The following PCDHGC3 variants were observed in gnomAD, a reference collection of about 807,000 sequenced individuals.
PCDHGC3 encodes the protein protocadherin gamma subfamily C, 3.
A neutral mutation model predicts 59.2 loss-of-function variants in PCDHGC3; 26 were observed. The ratio of observed to expected loss-of-function variants is 0.44; its 90% CI spans 0.32 to 0.61. The LOEUF is 0.61. Ranked by LOEUF, PCDHGC3 falls within the 20% of genes least tolerant of loss-of-function variation. The pLI is 0.05. For missense variants in PCDHGC3, 1,080 were observed against 1,221.8 expected, an observed-to-expected ratio of 0.88 and a Z score of 1.73; for synonymous variants, 487 against 519.7, an observed-to-expected ratio of 0.94 and a Z score of 0.86.
At chr5:141,494,355 G>T (rs910437011) in intron 1 of PCDHGC3, among the ~76,000 whole-genome samples, 4 of 152,234 alleles carry the variant, frequency 2.6e-5, no homozygotes, top group African/African-American at 9.6e-5. Flanking sequence ...CCATCTTGCT[G>T]CAGAGGATGC....
At chr5:141,494,940 AG>A (rs888721888) in intron 2 of PCDHGC3, 75 bp downstream of exon 2, 1 of 1,610,860 alleles carries the variant, frequency 6.2e-7, no homozygotes, top group Non-Finnish European at 8.5e-7. Flanking sequence ...GAGATGGGGG[AG>A]GGCCCAGCAT....
At position 141,511,436 on chromosome 5, in the gene PCDHGC3, T is replaced by C. The variant is rs1371734719; in HGVS notation, c.*263T>C. The C allele has an allele frequency of 1.5e-5, 11 of 718,486 alleles. No individual in the cohort carries two copies. The highest frequency in any genetic ancestry group is 2.2e-5 in the Non-Finnish European group (10 of 461,474). The allele number at this position is 718,486 out of a possible 1,614,324, so 44.5% of individuals were successfully genotyped here. The stretch of plus-strand genomic sequence containing the variant: ...ACCCATGGGGGTAGTGGGGTTACTG[T>C]AGACACCAAGAACCATTTGCCACAC... On this transcript the variant is annotated 3_prime_UTR_variant, in exon 4 of 4. Coordinates refer to ENST00000308177, the MANE Select transcript of PCDHGC3 (RefSeq NM_002588.4).
In PCDHGC3 at chr5:141,489,163, C is replaced by T. The variant is rs2099683398; in HGVS notation, c.2431-5644C>T. 1 of 1,060,592 alleles carries T rather than the reference C, an allele frequency of 9.4e-7. No individual in the cohort carries two copies. Among genetic ancestry groups the T allele is most frequent in the Admixed American group, 2.4e-5 (1 of 41,724 alleles). The allele number at this position is 1,060,592 out of a possible 1,614,324, so 65.7% of individuals were successfully genotyped here. On this transcript the variant is annotated intron_variant, in intron 1 of 3. Coordinates refer to ENST00000308177, the MANE Select transcript of PCDHGC3 (RefSeq NM_002588.4). This position sits in a 1 kb window ranked among gnomAD's most constrained non-coding sequence, Gnocchi z 4.5. ...TGGAAGGAGACATAAGAGACTTCAGCTGCTGCATTCCAAGCCCTGGGTCTA... is the reference window on the plus strand; with the variant it reads ...TGGAAGGAGACATAAGAGACTTCAGTTGCTGCATTCCAAGCCCTGGGTCTA...
At chr5:141,508,588 C>G (rs1721443459) in intron 3 of PCDHGC3, among the ~76,000 whole-genome samples, 1 of 152,176 alleles carries the variant, frequency 6.6e-6, no homozygotes, top group African/African-American at 2.4e-5. Context: ...GGGTGCTACT[C>G]AGAGATCTTG....
rs1356654620 is a variant in PCDHGC3 at position 141,490,430 on chromosome 5, TTAA to T, written c.2431-4376_2431-4374del. On this transcript the variant is annotated intron_variant, in intron 1 of 3. Coordinates refer to ENST00000308177, the MANE Select transcript of PCDHGC3 (RefSeq NM_002588.4). The surrounding 1 kb of genome is among the most constrained non-coding windows in gnomAD (Gnocchi z 5.4). ...ATCTCTCCGGACCTGCCATTTCAGA[TTAA>T]GCCTTCTGAGAACCACTACTCGCTG... 1 of 1,614,162 alleles carries T rather than the reference TTAA, an allele frequency of 6.2e-7. No individual in the cohort carries two copies.
In PCDHGC3 at chr5:141,492,378, C is replaced by T. The variant is rs144479033; in HGVS notation, c.2431-2429C>T. Among the ~76,000 whole-genome samples the T allele has an allele frequency of 1.7e-3, 262 of 152,360 alleles. 2 individuals are homozygous for T. The highest frequency in any genetic ancestry group is 3.0e-3 in the Non-Finnish European group (207 of 68,026). On this transcript the variant is annotated intron_variant, in intron 1 of 3. Coordinates refer to ENST00000308177, the MANE Select transcript of PCDHGC3 (RefSeq NM_002588.4). ...CTCGCTCGCGGCCAGATTCACAGGCCTGTTCCGGTCCACTCGCAGCTCCCC... is the reference window on the plus strand; with the variant it reads ...CTCGCTCGCGGCCAGATTCACAGGCTTGTTCCGGTCCACTCGCAGCTCCCC...
chr5:141,479,003 C>T (rs2099485569), intron 1 of PCDHGC3, among the ~76,000 whole-genome samples: 1 of 152,176 alleles, frequency 6.6e-6, no homozygotes, highest in South Asian at 2.1e-4. Context: ...AAACTAATAG[C>T]TTTTTGATAA....
chr5:141,487,890 G>C lies in PCDHGC3; in HGVS notation c.2431-6917G>C. 3 of 745,430 alleles carry C rather than the reference G, an allele frequency of 4.0e-6. No homozygotes were observed. Among genetic ancestry groups the C allele is most frequent in the Non-Finnish European group, 6.5e-6 (3 of 462,522 alleles). The allele number at this position is 745,430 out of a possible 1,614,324, so 46.2% of individuals were successfully genotyped here. A position where few individuals can be genotyped will look rare whatever the true frequency, so the allele number is the denominator to read the frequency against. On this transcript the variant is annotated intron_variant, in intron 1 of 3. Coordinates refer to ENST00000308177, the MANE Select transcript of PCDHGC3 (RefSeq NM_002588.4). This position sits in a 1 kb window ranked among gnomAD's most constrained non-coding sequence, Gnocchi z 5.0. ...AAGAGCCAGGCTGTTGTGGAAGCAT[G>C]ATGATGGAATGTGGGAGCACAGGAG...
At chr5:141,502,300 TTCCTC>T (rs139569110) in intron 2 of PCDHGC3, among the ~76,000 whole-genome samples, 4,853 of 152,256 alleles carry the variant, frequency 0.032, 250 homozygotes, top group African/African-American at 0.11. Flanking sequence ...TGTCACGTCT[TTCCTC>T]TCCTTTAATC....
Position 141,485,256 on chromosome 5 carries a change from G to A in PCDHGC3, c.2430+6710G>A, listed in dbSNP as rs770176450. The A allele has an allele frequency of 6.2e-7, 1 of 1,614,186 alleles. No homozygotes were observed. Among genetic ancestry groups the A allele is most frequent in the Non-Finnish European group, 8.5e-7 (1 of 1,179,996 alleles). On this transcript the variant is annotated intron_variant, in intron 1 of 3. Transcript: ENST00000308177. The surrounding 1 kb of genome is among the most constrained non-coding windows in gnomAD (Gnocchi z 5.7). ...CTCTTTTACCACCTGGGTTACGTTTGTGGGCAGATCCGCTACCCGGTCCCA... is the reference window on the plus strand; with the variant it reads ...CTCTTTTACCACCTGGGTTACGTTTATGGGCAGATCCGCTACCCGGTCCCA...
At position 141,494,852 on chromosome 5, in the gene PCDHGC3, C is replaced by T. The variant is rs755464933; in HGVS notation, c.2476C>T (p.Pro826Ser). ...TDWRFSQAQR[P>S]GTSGSQNGDD... is the part of the protein sequence containing the mutation. Reference sequence around the variant, plus strand: ...CTGGCGTTTCTCTCAGGCCCAGAGACCCGGCACCAGCGGGTAGGTGACTGA... The same window carrying T: ...CTGGCGTTTCTCTCAGGCCCAGAGATCCGGCACCAGCGGGTAGGTGACTGA... The change falls in exon 2 of 4, where the codon CCC (proline) becomes TCC (serine). Residue 826 changes from proline (P) to serine (S), a missense_variant. Coordinates refer to ENST00000308177, the MANE Select transcript of PCDHGC3 (RefSeq NM_002588.4). 6 of 1,614,042 alleles carry T rather than the reference C, an allele frequency of 3.7e-6. No homozygotes were observed. Among genetic ancestry groups the T allele is most frequent in the Admixed American group, 1.7e-5 (1 of 60,000 alleles).
chr5:141,502,173 T>C (rs1377892969), intron 2 of PCDHGC3, among the ~76,000 whole-genome samples: 2 of 152,178 alleles, frequency 1.3e-5, no homozygotes, highest in African/African-American at 4.8e-5. Flanking sequence ...AGTTGAGGAA[T>C]TTAACATTAA....
In PCDHGC3 at chr5:141,491,424, G is replaced by A. The variant is rs745755214; in HGVS notation, c.2431-3383G>A. The A allele has an allele frequency of 6.2e-7, 1 of 1,614,092 alleles. No individual in the cohort carries two copies. Among genetic ancestry groups the A allele is most frequent in the Non-Finnish European group, 8.5e-7 (1 of 1,180,028 alleles). ...ACGCAGACGGGGACGGGGGTGGAGG[G>A]CAGTGCTGCAGGCGCCAGGACTCAC... On this transcript the variant is annotated intron_variant, in intron 1 of 3. Coordinates refer to ENST00000308177, the MANE Select transcript of PCDHGC3 (RefSeq NM_002588.4). The surrounding 1 kb of genome is among the most constrained non-coding windows in gnomAD (Gnocchi z 6.9).
intron 1 of PCDHGC3, among the ~76,000 whole-genome samples, chr5:141,484,454 G>A (rs932663778): frequency 6.6e-6 from 1 of 152,212 alleles, no homozygotes; most frequent in African/African-American, 2.4e-5. Context: ...AATTGGCTAC[G>A]TTAATGTGTA....
intron 3 of PCDHGC3, among the ~76,000 whole-genome samples, chr5:141,508,789 A>C: frequency 1.4e-5 from 2 of 145,944 alleles, no homozygotes; most frequent in African/African-American, 2.6e-5. Context: ...CCCCTAAATC[A>C]CTCTGGAATC....
At position 141,486,530 on chromosome 5, in the gene PCDHGC3, C is replaced by T; in HGVS notation, c.2430+7984C>T. 6.2e-7 allele frequency: 1 copy of T among 1,614,174 alleles called. No homozygotes were observed. The highest frequency in any genetic ancestry group is 8.5e-7 in the Non-Finnish European group (1 of 1,180,022). On this transcript the variant is annotated intron_variant, in intron 1 of 3. Transcript: ENST00000308177. The surrounding 1 kb of genome is among the most constrained non-coding windows in gnomAD (Gnocchi z 5.0). Reference sequence around the variant, plus strand: ...TATTTCAGATGTGAATGATAATCCACCCTCTTTCTTTCAGAGGTCACATGA... The same window carrying T: ...TATTTCAGATGTGAATGATAATCCATCCTCTTTCTTTCAGAGGTCACATGA...
In PCDHGC3 at chr5:141,486,649, C is replaced by G; in HGVS notation, c.2430+8103C>G. On this transcript the variant is annotated intron_variant, in intron 1 of 3. Transcript: ENST00000308177. This position sits in a 1 kb window ranked among gnomAD's most constrained non-coding sequence, Gnocchi z 5.0. The stretch of plus-strand genomic sequence containing the variant: ...CTGGCTTGAATGCGCTTATCTCCTA[C>G]TCACTCCTGGAGCCCAGGAATCGAG... The G allele has an allele frequency of 6.2e-7, 1 of 1,613,952 alleles. No individual in the cohort carries two copies. The highest frequency in any genetic ancestry group is 8.5e-7 in the Non-Finnish European group (1 of 1,180,034).
intron 3 of PCDHGC3, among the ~76,000 whole-genome samples, chr5:141,510,147 C>T (rs1416633745): frequency 1.3e-5 from 2 of 151,984 alleles, no homozygotes; most frequent in Non-Finnish European, 2.9e-5. Flanking sequence ...GTGGTGTGCA[C>T]CTGTAATCTC....
rs751214480 is a variant in PCDHGC3, at chr5:141,485,161, G to A, written c.2430+6615G>A. ...CGTCTCAGGAGCAAGTAGAGAATTA[G>A]CGGGCGGCAGCAATGCTCCGCAAGG... On this transcript the variant is annotated intron_variant, in intron 1 of 3. Transcript: ENST00000308177. The surrounding 1 kb of genome is among the most constrained non-coding windows in gnomAD (Gnocchi z 5.7). The A allele has an allele frequency of 8.1e-6, 13 of 1,603,712 alleles. No individual in the cohort carries two copies. The Admixed American group carries it at 2.0e-4, about 25-fold the overall frequency.
Sources: gnomAD v4.1 joint callset for allele counts (sites outside exome capture counted in the v4.1 genomes callset) on GRCh38, gnomAD v4.1.1 for gene constraint, Gnocchi (gnomAD v3.1) non-coding constraint, MANE v1.5 for transcripts, NCBI Gene and HGNC (gene_info 2026-07-23, HGNC 2026-07-21) for gene names.